CDK5RAP1: variants seen among roughly 807,000 people sequenced by gnomAD.
CDK5RAP1 encodes the protein mitochondrial tRNA methylthiotransferase CDK5RAP1.
CDK5RAP1 carries 62 observed loss-of-function variants against 64.5 expected under a neutral mutation model. That is an observed-to-expected ratio of 0.96 (90% CI 0.78 to 1.19). CDK5RAP1 has a LOEUF of 1.19. CDK5RAP1 is among the 50% of genes most tolerant of loss of function. The probability of loss-of-function intolerance (pLI) is 0.00; values close to 1 mark genes in which losing one functional copy is unlikely to be tolerated. For missense variants in CDK5RAP1, 657 were observed against 735.0 expected (o/e 0.89, Z 1.23); for synonymous variants, 250 against 261.9 (o/e 0.95, Z 0.44).
In CDK5RAP1 at chr20:33,395,091, C is replaced by T; in HGVS notation, c.330G>A (p.Gln110=). 6.2e-7 allele frequency: 1 copy of T among 1,613,478 alleles called. No homozygotes were observed. Among genetic ancestry groups the T allele is most frequent in the Non-Finnish European group, 8.5e-7 (1 of 1,179,436 alleles). The change falls in exon 3 of 14, where the codon CAG becomes CAA. Residue 110 remains glutamine, a synonymous_variant. Transcript: ENST00000346416. ...CTATCTCTGTGTCATTCACATTCAT[C>T]TGGCAGCCATAGGTCTCGAGGTAGA... ...RKVYLETYGC[Q]MNVNDTEIAW...
At chr20:33,360,126 T>C (rs754971239) in intron 13 of CDK5RAP1, 1 of 538,196 alleles carries the variant, frequency 1.9e-6, no homozygotes, top group Non-Finnish European at 3.3e-6. Flanking sequence ...ACTCACCAAA[T>C]TCCCACAAAG....
chr20:33,369,334 T>A (rs1391652077), intron 11 of CDK5RAP1, among the ~76,000 whole-genome samples: 1 of 151,074 alleles, frequency 6.6e-6, no homozygotes, highest in Non-Finnish European at 1.5e-5. Flanking sequence ...ATACAAAAAA[T>A]TAGCCGGGCA....
At chr20:33,372,728 C>T in intron 9 of CDK5RAP1, 31 bp from the exon 10 acceptor site, 3 of 1,459,522 alleles carry the variant, frequency 2.1e-6, no homozygotes, top group Non-Finnish European at 2.9e-6. Context: ...AAAAGGCCTA[C>T]ATAAATCCAA....
chr20:33,378,937 C>A (rs1261484383), intron 8 of CDK5RAP1, among the ~76,000 whole-genome samples: 1 of 152,168 alleles, frequency 6.6e-6, no homozygotes, highest in African/African-American at 2.4e-5. Context: ...TCAGTCCTAC[C>A]TCCACTCCCA....
chr20:33,394,164 CTT>C (rs372212431), intron 3 of CDK5RAP1, 98 bp from the exon 4 acceptor site: 4,162 of 655,372 alleles, frequency 6.4e-3, no homozygotes, highest in East Asian at 7.8e-3. Context: ...TTTTTTTTTC[CTT>C]TTTTTTTTTT....
At chr20:33,397,581 G>C (rs1049506179) in intron 1 of CDK5RAP1, among the ~76,000 whole-genome samples, 3 of 152,326 alleles carry the variant, frequency 2.0e-5, no homozygotes, top group Non-Finnish European at 4.4e-5. Context: ...TTGCTACACT[G>C]CCTCTTAATA....
chr20:33,389,094 G>A (rs1201310936), intron 5 of CDK5RAP1, among the ~76,000 whole-genome samples: 1 of 151,646 alleles, frequency 6.6e-6, no homozygotes, highest in Non-Finnish European at 1.5e-5. Flanking sequence ...CATCGTCTGG[G>A]ATGTGAGGAG....
chr20:33,394,253 G>A (rs867478157), intron 3 of CDK5RAP1, among the ~76,000 whole-genome samples, 187 bp from the exon 4 acceptor site: 5 of 149,624 alleles, frequency 3.3e-5, no homozygotes, highest in South Asian at 2.1e-4. Context: ...TCCACCTCCC[G>A]AGCGGTTCAA....
intron 7 of CDK5RAP1, among the ~76,000 whole-genome samples, chr20:33,383,325 G>C (rs1054156044): frequency 6.6e-5 from 10 of 151,618 alleles, no homozygotes; most frequent in African/African-American, 2.4e-4. Context: ...AAATAAATGA[G>C]GCCAGGCGTA....
At chr20:33,375,482 A>G (rs923244347) in intron 8 of CDK5RAP1, among the ~76,000 whole-genome samples, 16 of 152,122 alleles carry the variant, frequency 1.1e-4, no homozygotes, top group African/African-American at 3.9e-4. Context: ...ATTGCAAGAA[A>G]GGCTCCTTTG....
intron 7 of CDK5RAP1, 143 bp from the exon 8 acceptor site, chr20:33,379,834 T>C: frequency 1.6e-6 from 1 of 632,898 alleles, no homozygotes; most frequent in Non-Finnish European, 2.7e-6. Flanking sequence ...CCTATAAGTG[T>C]GTTGTGTCTA....
At chr20:33,371,782 CA>C (rs1356279454) in intron 10 of CDK5RAP1, among the ~76,000 whole-genome samples, 1 of 150,022 alleles carries the variant, frequency 6.7e-6, no homozygotes, top group Non-Finnish European at 1.5e-5. Flanking sequence ...GATTCTGTCT[CA>C]AAAAAAAAGT....
intron 6 of CDK5RAP1, among the ~76,000 whole-genome samples, chr20:33,386,412 C>A (rs548641301): frequency 1.2e-4 from 18 of 152,142 alleles, no homozygotes; most frequent in African/African-American, 2.4e-5. Flanking sequence ...TATGTTTGTA[C>A]CTACTGTTTT....
At chr20:33,387,932 G>T (rs1487556314) in intron 5 of CDK5RAP1, among the ~76,000 whole-genome samples, 1 of 152,016 alleles carries the variant, frequency 6.6e-6, no homozygotes, top group African/African-American at 2.4e-5. Context: ...CAGGCATGGT[G>T]GCACATGCCT....
intron 2 of CDK5RAP1, among the ~76,000 whole-genome samples, 197 bp downstream of exon 2, chr20:33,396,564 T>C (rs1018446012): frequency 5.3e-5 from 8 of 152,102 alleles, no homozygotes; most frequent in Admixed American, 2.6e-4. Flanking sequence ...CCTCCCAAAG[T>C]GCTGGGATTA....
chr20:33,367,011 A>AT lies in CDK5RAP1; in HGVS notation c.1393-4dup. ...AGCCTATGATATGCCCGTGTCTTCT[A>AT]TTAAAAAAAAAAAAAAGAGAGAAGA... On this transcript the variant is annotated splice_polypyrimidine_tract_variant and splice_region_variant and intron_variant, in intron 11 of 13. Coordinates refer to ENST00000346416, the MANE Select transcript of CDK5RAP1 (RefSeq NM_016408.4). The AT allele has an allele frequency of 6.3e-7, 1 of 1,589,322 alleles. No homozygotes were observed. Among genetic ancestry groups the AT allele is most frequent in the Non-Finnish European group, 8.5e-7 (1 of 1,171,712 alleles).
chr20:33,379,574 T>C lies in CDK5RAP1; in HGVS notation c.994A>G (p.Lys332Glu), dbSNP rs997237642. The change falls in exon 8 of 14, where the codon AAA becomes GAA. Residue 332 changes from lysine (K) to glutamate (E), a missense_variant. Transcript: ENST00000346416. ...NLSRGFTTNY[K>E]TKQGGLRFAH... is the part of the protein sequence containing the mutation. ...AAACGAAGTCCTCCTTGCTTGGTTT[T>C]ATAGTTGGTGGTAAAGCCACGACTG... 1 of 1,614,162 alleles carries C rather than the reference T, an allele frequency of 6.2e-7. No homozygotes were observed. Among genetic ancestry groups the C allele is most frequent in the Non-Finnish European group, 8.5e-7 (1 of 1,180,020 alleles).
At chr20:33,393,166 C>T (rs1988515866) in intron 4 of CDK5RAP1, among the ~76,000 whole-genome samples, 1 of 152,106 alleles carries the variant, frequency 6.6e-6, no homozygotes. Flanking sequence ...GTGTGAGCAA[C>T]CGTGCCTGGC....
chr20:33,367,951 A>C (rs927591776), intron 11 of CDK5RAP1, among the ~76,000 whole-genome samples: 9 of 152,222 alleles, frequency 5.9e-5, no homozygotes, highest in Non-Finnish European at 1.3e-4. Context: ...AATATTGCAG[A>C]GTTTACTCCA....
Sources: gnomAD v4.1 joint callset for allele counts (sites outside exome capture counted in the v4.1 genomes callset) on GRCh38, gnomAD v4.1.1 for gene constraint, MANE v1.5 for transcripts, NCBI Gene and HGNC (gene_info 2026-07-23, HGNC 2026-07-21) for gene names.